The following GNB4 variants were observed in gnomAD, a reference collection of about 807,000 sequenced individuals.
GNB4 encodes the protein G protein subunit beta 4, also known as guanine nucleotide-binding protein subunit beta-4.
In GNB4, 28 loss-of-function variants were observed where a neutral mutation model predicts 45.2. That is an observed-to-expected ratio of 0.62 (90% CI 0.46 to 0.85). The LOEUF is 0.85. Ranked by LOEUF, GNB4 falls within the 40% of genes least tolerant of loss-of-function variation. GNB4 has a pLI of 0.00. For missense variants in GNB4, 321 were observed against 425.4 expected, an observed-to-expected ratio of 0.75 and a Z score of 2.16; for synonymous variants, 132 against 143.7, an observed-to-expected ratio of 0.92 and a Z score of 0.58.
intron 2 of GNB4, among the ~76,000 whole-genome samples, chr3:179,424,929 A>G (rs1307295352): frequency 1.3e-5 from 2 of 152,148 alleles, no homozygotes; most frequent in African/African-American, 4.8e-5. Context: ...TTTAAATTAG[A>G]CAAATTCTTC....
At position 179,396,987 on chromosome 3, in the gene GNB4, T is replaced by A. The variant is rs988411936; in HGVS notation, c.*4226A>T. On this transcript the variant is annotated 3_prime_UTR_variant, in exon 10 of 10. Coordinates refer to ENST00000232564, the MANE Select transcript of GNB4 (RefSeq NM_021629.4). Reference sequence around the variant, plus strand: ...AGATGGTCCAACCTGTGGGTATTTTTAAAAATTCTAACAGGAGAAATCATT... The same window carrying A: ...AGATGGTCCAACCTGTGGGTATTTTAAAAAATTCTAACAGGAGAAATCATT... 6.6e-5 allele frequency: 10 copies of A among 152,218 alleles called. No individual in the cohort carries two copies. The highest frequency in any genetic ancestry group is 1.7e-4 in the African/African-American group (7 of 41,444). The allele number at this position is 152,218 out of a possible 1,614,324, so 9.4% of individuals were successfully genotyped here. A position where few individuals can be genotyped will look rare whatever the true frequency, so the allele number is the denominator to read the frequency against.
chr3:179,467,086 T>C, the GNB4 span, among the ~76,000 whole-genome samples: 1 of 152,184 alleles, frequency 6.6e-6, no homozygotes, highest in Admixed American at 6.5e-5. Flanking sequence ...TGATCATAGC[T>C]CACTGCAGCC....
chr3:179,465,051 C>G, the GNB4 span: 11 of 1,497,486 alleles, frequency 7.3e-6, no homozygotes, highest in Non-Finnish European at 1.0e-5. Context: ...CGATATACTT[C>G]CAAAGAGCAG....
In GNB4 at chr3:179,397,813, C is replaced by CTTT. The variant is rs1463438701; in HGVS notation, c.*3399_*3400insAAA. The stretch of plus-strand genomic sequence containing the variant: ...GTGCAGTGGCGCCATCTCAGCTCAC[C>CTTT]AAAACCTCCACCTCCTGAGTTCAAG... On this transcript the variant is annotated 3_prime_UTR_variant, in exon 10 of 10. Coordinates refer to ENST00000232564, the MANE Select transcript of GNB4 (RefSeq NM_021629.4). 6.6e-6 allele frequency: 1 copy of CTTT among 151,880 alleles called. No homozygotes were observed. Among genetic ancestry groups the CTTT allele is most frequent in the Non-Finnish European group, 1.5e-5 (1 of 68,040 alleles). 9.4% of individuals were successfully genotyped at this position (151,880 alleles called of 1,614,324 possible). A position where few individuals can be genotyped will look rare whatever the true frequency, so the allele number is the denominator to read the frequency against.
At chr3:179,520,715 C>A in the GNB4 span, among the ~76,000 whole-genome samples, 1 of 152,116 alleles carries the variant, frequency 6.6e-6, no homozygotes, top group Non-Finnish European at 1.5e-5. Context: ...TTCAATCCGG[C>A]CTCCCACATT....
At chr3:179,477,208 T>A in the GNB4 span, among the ~76,000 whole-genome samples, 2 of 152,008 alleles carry the variant, frequency 1.3e-5, no homozygotes, top group African/African-American at 4.8e-5. Context: ...ACACACTTTT[T>A]AAATTCTTTA....
intron 1 of GNB4, among the ~76,000 whole-genome samples, chr3:179,436,105 T>C (rs998287285): frequency 6.6e-6 from 1 of 152,218 alleles, no homozygotes; most frequent in Non-Finnish European, 1.5e-5. Flanking sequence ...ACTTTAAAAA[T>C]GTAAGGATAG....
At position 179,401,050 on chromosome 3, in the gene GNB4, C is replaced by CA; in HGVS notation, c.*162dup. 1 of 520,516 alleles carries CA rather than the reference C, an allele frequency of 1.9e-6. No homozygotes were observed. 32.2% of individuals were successfully genotyped at this position (520,516 alleles called of 1,614,324 possible). A position where few individuals can be genotyped will look rare whatever the true frequency, so the allele number is the denominator to read the frequency against. ...GAAGGCGCCTTTGCCTTTTTTCCTCCACCCCCACTTTTTTTTTGGTAGTTT... is the reference window on the plus strand; with the variant it reads ...GAAGGCGCCTTTGCCTTTTTTCCTCCAACCCCCACTTTTTTTTTGGTAGTTT... On this transcript the variant is annotated 3_prime_UTR_variant, in exon 10 of 10. Transcript: ENST00000232564.
the GNB4 span, among the ~76,000 whole-genome samples, chr3:179,494,953 A>G: frequency 6.6e-6 from 1 of 151,608 alleles, no homozygotes; most frequent in Non-Finnish European, 1.5e-5. Context: ...AGGAAAAAAA[A>G]TCACTGAAAA....
the GNB4 span, among the ~76,000 whole-genome samples, chr3:179,493,274 A>G: frequency 6.6e-6 from 1 of 152,194 alleles, no homozygotes; most frequent in South Asian, 2.1e-4. Flanking sequence ...TAGGTTAATT[A>G]TTTTTAAGGA....
chr3:179,418,086 A>AGAAC (rs1426416478), intron 4 of GNB4, among the ~76,000 whole-genome samples: 1 of 152,190 alleles, frequency 6.6e-6, no homozygotes, highest in East Asian at 1.9e-4. Context: ...AGAACCATAA[A>AGAAC]CATTGTTTCA....
chr3:179,497,353 A>G, the GNB4 span, among the ~76,000 whole-genome samples: 1 of 152,206 alleles, frequency 6.6e-6, no homozygotes, highest in South Asian at 2.1e-4. Context: ...AAATCTATTC[A>G]AAATGAATTA....
chr3:179,509,887 G>A, the GNB4 span, among the ~76,000 whole-genome samples: 13 of 152,108 alleles, frequency 8.5e-5, no homozygotes, highest in Non-Finnish European at 1.3e-4. Context: ...ATGCAATCAT[G>A]GCTCACTGCA....
At chr3:179,501,561 G>T in the GNB4 span, among the ~76,000 whole-genome samples, 17 of 150,886 alleles carry the variant, frequency 1.1e-4, 1 homozygote, top group South Asian at 3.4e-3. Context: ...CTGACCTTAA[G>T]TGATCCACCC....
At chr3:179,440,460 T>G (rs1465825425) in intron 1 of GNB4, among the ~76,000 whole-genome samples, 1 of 152,222 alleles carries the variant, frequency 6.6e-6, no homozygotes, top group Non-Finnish European at 1.5e-5. Flanking sequence ...TTCATGTATT[T>G]TGGGAATTAA....
the GNB4 span, among the ~76,000 whole-genome samples, chr3:179,501,002 A>G: frequency 2.6e-5 from 4 of 152,206 alleles, no homozygotes; most frequent in Admixed American, 2.0e-4. Context: ...GGTTTTCTAA[A>G]TATACAATCA....
At chr3:179,432,565 A>G (rs1298496524) in intron 1 of GNB4, among the ~76,000 whole-genome samples, 1 of 152,232 alleles carries the variant, frequency 6.6e-6, no homozygotes, top group Non-Finnish European at 1.5e-5. Context: ...GAAGCCTAAT[A>G]TGGCAAGTCC....
At chr3:179,486,434 C>A in the GNB4 span, among the ~76,000 whole-genome samples, 1 of 152,124 alleles carries the variant, frequency 6.6e-6, no homozygotes, top group Non-Finnish European at 1.5e-5. Context: ...GAGCTCTTAA[C>A]CTAGCTTTTC....
At chr3:179,500,145 G>C in the GNB4 span, among the ~76,000 whole-genome samples, 1 of 152,184 alleles carries the variant, frequency 6.6e-6, no homozygotes, top group Non-Finnish European at 1.5e-5. Flanking sequence ...TTTTAGTCAT[G>C]AAGTCTTTGC....
Sources: allele counts gnomAD v4.1 joint callset (sites outside exome capture counted in the v4.1 genomes callset), GRCh38; gene constraint gnomAD v4.1.1; transcripts MANE v1.5; gene names NCBI Gene and HGNC (gene_info 2026-07-23, HGNC 2026-07-21).